The following SYT2 variants were observed in gnomAD, a reference collection of about 807,000 sequenced individuals.
SYT2 encodes synaptotagmin 2.
In SYT2, 15 loss-of-function variants were observed where a neutral mutation model predicts 39.9. That is an observed-to-expected ratio of 0.38 (90% CI 0.25 to 0.58). The LOEUF is 0.58. Among genes scored for constraint, SYT2 ranks in the 20% least tolerant of loss-of-function variants. The pLI is 0.70. For missense variants in SYT2, 389 were observed against 530.3 expected (o/e 0.73, Z 2.62); for synonymous variants, 181 against 204.5 (o/e 0.89, Z 0.98).
chr1:202,666,116 G>A (rs1227816730), intron 1 of SYT2, among the ~76,000 whole-genome samples: 2 of 144,164 alleles, frequency 1.4e-5, no homozygotes, highest in African/African-American at 5.2e-5. Context: ...TCGTGCCACT[G>A]CACTCCAGCC....
At chr1:202,680,345 ATTCT>A (rs1653494044) in intron 1 of SYT2, among the ~76,000 whole-genome samples, 2 of 152,190 alleles carry the variant, frequency 1.3e-5, no homozygotes, top group South Asian at 4.1e-4. Context: ...TTTGTGAATG[ATTCT>A]TTCTCTCATA....
intron 1 of SYT2, among the ~76,000 whole-genome samples, chr1:202,638,484 C>T (rs1275147031): frequency 2.0e-5 from 3 of 152,342 alleles, no homozygotes; most frequent in South Asian, 2.1e-4. Flanking sequence ...GCCATCTGCT[C>T]GGAGGCCTTT....
At chr1:202,637,279 G>A (rs1691764376) in intron 1 of SYT2, among the ~76,000 whole-genome samples, 2 of 150,158 alleles carry the variant, frequency 1.3e-5, no homozygotes, top group Non-Finnish European at 3.0e-5. Context: ...TGAGCCTCGG[G>A]AAGTTGAGGC....
chr1:202,616,052 C>T (rs1478951605), intron 1 of SYT2, among the ~76,000 whole-genome samples: 1 of 152,110 alleles, frequency 6.6e-6, no homozygotes, highest in Non-Finnish European at 1.5e-5. Flanking sequence ...CCCATCAATC[C>T]CCAGGATCAC....
At chr1:202,642,202 C>A (rs925612773) in intron 1 of SYT2, among the ~76,000 whole-genome samples, 25 of 152,100 alleles carry the variant, frequency 1.6e-4, no homozygotes, top group African/African-American at 6.0e-4. Flanking sequence ...TGGAAGCTTT[C>A]GGACTCTCCC....
chr1:202,686,276 T>A (rs1026824212), intron 1 of SYT2, among the ~76,000 whole-genome samples: 1 of 152,168 alleles, frequency 6.6e-6, no homozygotes, highest in African/African-American at 2.4e-5. Flanking sequence ...AAACCTCTTT[T>A]CTTATAAATT....
At chr1:202,622,679 G>A (rs1255683286) in intron 1 of SYT2, among the ~76,000 whole-genome samples, 1 of 152,186 alleles carries the variant, frequency 6.6e-6, no homozygotes, top group Non-Finnish European at 1.5e-5. Flanking sequence ...TGGGGGTTAA[G>A]CATCCCTGCC....
intron 1 of SYT2, among the ~76,000 whole-genome samples, chr1:202,709,886 C>G (rs1049393616): frequency 6.6e-6 from 1 of 152,048 alleles, no homozygotes; most frequent in Non-Finnish European, 1.5e-5. Context: ...CTGGGCTAGA[C>G]GCGAGTGGGT....
intron 1 of SYT2, among the ~76,000 whole-genome samples, chr1:202,619,564 T>A (rs2149082146): frequency 6.6e-6 from 1 of 152,362 alleles, no homozygotes; most frequent in East Asian, 1.9e-4. Flanking sequence ...CATTGCACCC[T>A]GTCTCCCAGA....
In SYT2 at chr1:202,602,534, G is replaced by GC; in HGVS notation, c.476dup (p.Val160ArgfsTer6). On this transcript the variant is annotated frameshift_variant, in exon 5 of 9. Coordinates refer to ENST00000367268, the MANE Select transcript of SYT2 (RefSeq NM_177402.5). LOFTEE classifies it high-confidence loss of function. ...CAGGCAGTTCAGCAGCCTGCAGAAC[G>GC]CCCACAGTAAGCTGTGGAGAGAGAT... is the stretch of plus-strand genomic sequence containing the variant. The GC allele has an allele frequency of 1.2e-6, 2 of 1,612,758 alleles. No individual in the cohort carries two copies. Among genetic ancestry groups the GC allele is most frequent in the Non-Finnish European group, 1.7e-6 (2 of 1,179,574 alleles).
At chr1:202,680,956 G>A (rs181061356) in intron 1 of SYT2, among the ~76,000 whole-genome samples, 31 of 152,272 alleles carry the variant, frequency 2.0e-4, no homozygotes, top group Non-Finnish European at 4.0e-4. Flanking sequence ...CAAAAACACT[G>A]TTTCCCCATC....
chr1:202,676,037 C>A (rs948800407), intron 1 of SYT2, among the ~76,000 whole-genome samples: 1 of 152,204 alleles, frequency 6.6e-6, no homozygotes, highest in African/African-American at 2.4e-5. Flanking sequence ...AAGCCAGGTT[C>A]AATCCCAACC....
In SYT2 at chr1:202,605,683, G is replaced by A; in HGVS notation, c.90C>T (p.Ser30=). ...TCTCCCCAGCACCCCCACTCTCAGTGGAGTTGTCCACGGGTCCAATGGGCA... is the reference window on the plus strand; with the variant it reads ...TCTCCCCAGCACCCCCACTCTCAGTAGAGTTGTCCACGGGTCCAATGGGCA... The part of the protein sequence containing the change: ...ATMPIGPVDN[S]TESGGAGESQ... Residue 30 remains serine, a synonymous_variant, in exon 2 of 9, where the codon TCC becomes TCT. Transcript: ENST00000367268. 6.2e-7 allele frequency: 1 copy of A among 1,614,010 alleles called. No individual in the cohort carries two copies. Among genetic ancestry groups the A allele is most frequent in the Non-Finnish European group, 8.5e-7 (1 of 1,179,914 alleles).
At chr1:202,622,736 G>A (rs993121672) in intron 1 of SYT2, among the ~76,000 whole-genome samples, 2 of 152,108 alleles carry the variant, frequency 1.3e-5, no homozygotes, top group African/African-American at 4.8e-5. Flanking sequence ...GAAGTTTCCT[G>A]AGTGAGGCTC....
chr1:202,688,929 T>C (rs1162122957), intron 1 of SYT2, among the ~76,000 whole-genome samples: 5 of 152,018 alleles, frequency 3.3e-5, no homozygotes, highest in Non-Finnish European at 7.4e-5. Context: ...AAGATCCAAA[T>C]GGGGAGTCAG....
intron 1 of SYT2, among the ~76,000 whole-genome samples, chr1:202,624,662 AGT>A (rs371459399): frequency 0.016 from 1,017 of 64,944 alleles, 13 homozygotes; most frequent in East Asian, 0.14. Context: ...GGTGTGTAGT[AGT>A]GTGTGTGTGG....
At chr1:202,653,219 C>T (rs146843287) in intron 1 of SYT2, among the ~76,000 whole-genome samples, 2 of 152,268 alleles carry the variant, frequency 1.3e-5, no homozygotes, top group South Asian at 2.1e-4. Flanking sequence ...GTCCCCAACA[C>T]GGACCCCCCC....
rs540466415 is a variant in SYT2, at chr1:202,659,259, C to T, written c.-18+50999G>A. 4.6e-5 allele frequency among the ~76,000 whole-genome samples: 7 copies of T among 152,266 alleles called. No individual in the cohort carries two copies. The South Asian group carries it at 1.5e-3, about 32-fold the overall frequency. On this transcript the variant is annotated intron_variant, in intron 1 of 8. Transcript: ENST00000367268. ...TCCGTGTTCTTCTGATCTTGGGTTT[C>T]ATTTTAAGGGAACTTTTTAGTCCAG...
rs1691489439 is a variant in SYT2, at chr1:202,628,796, G to A, written c.-17-23007C>T. On this transcript the variant is annotated intron_variant, in intron 1 of 8. Coordinates refer to ENST00000367268, the MANE Select transcript of SYT2 (RefSeq NM_177402.5). The surrounding 1 kb of genome is among the most constrained non-coding windows in gnomAD (Gnocchi z 4.2). ...AGAAGACAGCTCCGCTGAGGAAGAGGAGCCAAGTGAAACACCAGGTGCTGC... is the reference window on the plus strand; with the variant it reads ...AGAAGACAGCTCCGCTGAGGAAGAGAAGCCAAGTGAAACACCAGGTGCTGC... Among the ~76,000 whole-genome samples, 1 of 152,220 alleles carries A rather than the reference G, an allele frequency of 6.6e-6. No homozygotes were observed. The highest frequency in any genetic ancestry group is 2.4e-5 in the African/African-American group (1 of 41,456).
Sources: gnomAD v4.1 joint callset for allele counts (sites outside exome capture counted in the v4.1 genomes callset) on GRCh38, gnomAD v4.1.1 for gene constraint, Gnocchi (gnomAD v3.1) non-coding constraint, MANE v1.5 for transcripts, NCBI Gene and HGNC (gene_info 2026-07-23, HGNC 2026-07-21) for gene names.